Variants in MYO1A observed in about 807,000 individuals in gnomAD.
MYO1A encodes the protein myosin IA.
MYO1A carries 127 observed loss-of-function variants against 138.5 expected under a neutral mutation model. The observed-to-expected ratio is 0.92, with a 90% confidence interval of 0.79 to 1.06. MYO1A has a LOEUF of 1.06. MYO1A is among the 50% of genes least tolerant of loss of function. MYO1A has a pLI of 0.00. For synonymous variants in MYO1A, 477 were observed against 497.5 expected, an observed-to-expected ratio of 0.96 and a Z score of 0.55; for missense variants, 1,211 against 1,288.8, an observed-to-expected ratio of 0.94 and a Z score of 0.92.
chr12:57,046,720 A>T, intron 7 of MYO1A, 70 bp from the exon 8 acceptor site: 3 of 1,503,960 alleles, frequency 2.0e-6, no homozygotes, highest in Non-Finnish European at 2.8e-6. Context: ...GCCCTACTGG[A>T]GAATGCCCCC....
intron 22 of MYO1A, among the ~76,000 whole-genome samples, chr12:57,031,777 T>A (rs1364129649): frequency 2.0e-5 from 3 of 152,210 alleles, no homozygotes; most frequent in African/African-American, 7.2e-5. Flanking sequence ...GTCTCATGTC[T>A]GAATGAGCAA....
rs2136454589 is a variant in MYO1A at position 57,044,148 on chromosome 12, T to C, written c.702A>G (p.Arg234=). 6.2e-7 allele frequency: 1 copy of C among 1,614,126 alleles called. No homozygotes were observed. Among genetic ancestry groups the C allele is most frequent in the Middle Eastern group, 1.6e-4 (1 of 6,062 alleles). The change falls in exon 9 of 28, where the codon AGA becomes AGG. Residue 234 remains arginine, a synonymous_variant. Transcript: ENST00000300119. ...GYAYLNHEVS[R]VDGMDDASSF... Reference sequence around the variant, plus strand: ...TGGAGGCGTCGTCCATGCCATCCACTCTGGATACTTCATGATTCAGATAGG... The same window carrying C: ...TGGAGGCGTCGTCCATGCCATCCACCCTGGATACTTCATGATTCAGATAGG...
At chr12:57,049,152 G>A (rs3782327) in intron 1 of MYO1A, among the ~76,000 whole-genome samples, 3,140 of 152,294 alleles carry the variant, frequency 0.021, 61 homozygotes, top group South Asian at 0.057. Flanking sequence ...AGCTTCTTGC[G>A]GGAGTGGGCA....
At position 57,042,124 on chromosome 12, in the gene MYO1A, T is replaced by C. The variant is rs73334798; in HGVS notation, c.1099-627A>G. On this transcript the variant is annotated intron_variant, in intron 12 of 27. Transcript: ENST00000300119. ...CCCCACAAAAGAAATCCTATACCCATTATTAGTCACTCCCCATACCCCTCT... is the reference window on the plus strand; with the variant it reads ...CCCCACAAAAGAAATCCTATACCCACTATTAGTCACTCCCCATACCCCTCT... Among the ~76,000 whole-genome samples the C allele has an allele frequency of 3.5e-3, 538 of 152,298 alleles. 4 individuals carry two copies. The highest frequency in any genetic ancestry group is 0.012 in the African/African-American group (515 of 41,558).
intron 14 of MYO1A, among the ~76,000 whole-genome samples, chr12:57,040,412 T>C (rs2136449081): frequency 6.6e-6 from 1 of 152,314 alleles, no homozygotes; most frequent in East Asian, 1.9e-4. Flanking sequence ...TGGTTGCCTC[T>C]GGGTGGGGAG....
intron 22 of MYO1A, among the ~76,000 whole-genome samples, chr12:57,032,639 C>T (rs2030340325): frequency 6.6e-6 from 1 of 151,834 alleles, no homozygotes; most frequent in African/African-American, 2.4e-5. Flanking sequence ...GCCAAGATCG[C>T]ACCACTGCAC....
chr12:57,036,926 T>G lies in MYO1A; in HGVS notation c.2205+16A>C. On this transcript the variant is annotated intron_variant, in intron 20 of 27. Transcript: ENST00000300119. ...CTATTAGAGTGAACAGAGTGGGACT[T>G]TGGGGATGACCGTACCATGTTTCCC... 6.2e-7 allele frequency: 1 copy of G among 1,614,200 alleles called. No individual in the cohort carries two copies. Among genetic ancestry groups the G allele is most frequent in the Non-Finnish European group, 8.5e-7 (1 of 1,180,038 alleles).
intron 23 of MYO1A, among the ~76,000 whole-genome samples, 194 bp downstream of exon 23, chr12:57,030,846 C>T (rs966691312): frequency 1.3e-5 from 2 of 152,052 alleles, no homozygotes; most frequent in African/African-American, 4.8e-5. Flanking sequence ...GTGATGGCTG[C>T]AGAACAACAT....
intron 20 of MYO1A, 25 bp from the exon 21 acceptor site, chr12:57,036,865 G>T: frequency 1.2e-6 from 2 of 1,614,192 alleles, no homozygotes; most frequent in Non-Finnish European, 1.7e-6. Flanking sequence ...GGAGTTGTTA[G>T]AAAAATGGCA....
rs727504566 is a variant in MYO1A at position 57,043,115 on chromosome 12, C to T, written c.1055G>A (p.Arg352His). The change falls in exon 12 of 28, where the codon CGC becomes CAC. Residue 352 changes from arginine to histidine, a missense_variant. Physicochemically the swap from Arg to His is conservative, Grantham distance 29 (BLOSUM62 0). Coordinates refer to ENST00000300119, the MANE Select transcript of MYO1A (RefSeq NM_005379.4). ...TCGATTCACTATCCAGTCAAAGAGG[C>T]GGCTGTAGATGTTCTTAGCCAGGGC... ...RDALAKNIYS[R>H]LFDWIVNRIN... is the part of the protein sequence containing the mutation. The T allele has an allele frequency of 5.3e-5, 86 of 1,614,034 alleles. No individual in the cohort carries two copies. The highest frequency in any genetic ancestry group is 6.6e-5 in the Non-Finnish European group (78 of 1,180,036).
intron 21 of MYO1A, 54 bp from the exon 22 acceptor site, chr12:57,036,435 G>C (rs766589792): frequency 8.4e-6 from 13 of 1,554,096 alleles, no homozygotes; most frequent in African/African-American, 1.4e-5. Flanking sequence ...GATTCTAGAA[G>C]AGGTTGTACT....
At chr12:57,045,591 CCT>C (rs1171435215) in intron 8 of MYO1A, among the ~76,000 whole-genome samples, 4 of 152,132 alleles carry the variant, frequency 2.6e-5, no homozygotes, top group Admixed American at 1.3e-4. Context: ...TGCAGGGGTT[CCT>C]GAAGATCACA....
rs544222811 is a variant in MYO1A, at chr12:57,043,313, A to C, written c.938T>G (p.Val313Gly). The change falls in exon 11 of 28, where the codon GTA (valine) becomes GGA (glycine). Residue 313 changes from valine to glycine, a missense_variant. Val to Gly is a moderately radical substitution (Grantham distance 109). Coordinates refer to ENST00000300119, the MANE Select transcript of MYO1A (RefSeq NM_005379.4). ...GEMVGLNSEE[V>G]ERALCSRTME... Reference sequence around the variant, plus strand: ...GGTCCTCGAGCACAAAGCTCTCTCTACTTCTTCTGAATTCAAGCCCACCAT... The same window carrying C: ...GGTCCTCGAGCACAAAGCTCTCTCTCCTTCTTCTGAATTCAAGCCCACCAT... The C allele has an allele frequency of 6.2e-7, 1 of 1,614,076 alleles. No individual in the cohort carries two copies. The highest frequency in any genetic ancestry group is 1.3e-5 in the African/African-American group (1 of 75,002).
Position 57,039,238 on chromosome 12 carries a change from C to A in MYO1A, c.1306G>T (p.Gly436Cys), listed in dbSNP as rs576002868. 2.5e-6 allele frequency: 4 copies of A among 1,614,106 alleles called. No individual in the cohort carries two copies. The African/African-American group carries it at 5.3e-5, about 22-fold the overall frequency. ...PWTKVDYFDN[G>C]IICKLIEHNQ... ...TGCTCAATGAGCTTACAAATGATGC[C>A]ATTATCAAAGTAGTCCACCTTTGTC... Residue 436 changes from glycine to cysteine, a missense_variant, in exon 15 of 28, where the codon GGC (glycine) becomes TGC (cysteine). Transcript: ENST00000300119.
chr12:57,041,574 G>A (rs2136450841), intron 12 of MYO1A, 77 bp from the exon 13 acceptor site: 1 of 1,274,102 alleles, frequency 7.8e-7, no homozygotes, highest in Non-Finnish European at 1.1e-6. Context: ...AGCGGATGGG[G>A]TTGGAGTAGG....
Position 57,036,990 on chromosome 12 carries a change from C to G in MYO1A, c.2157G>C (p.Leu719=). ...RGWRCRTHYQ[L]MRKSQILISS... ...AGATGAGGATCTGACTCTTTCGCAT[C>G]AGTTGGTAGTGGGTGCGGCAGCGCC... Residue 719 remains leucine, a synonymous_variant, in exon 20 of 28, where the codon CTG becomes CTC. Transcript: ENST00000300119. The G allele has an allele frequency of 6.2e-7, 1 of 1,614,190 alleles. No homozygotes were observed. Among genetic ancestry groups the G allele is most frequent in the Non-Finnish European group, 8.5e-7 (1 of 1,180,040 alleles).
In MYO1A at chr12:57,038,503, G is replaced by C. The variant is rs773728159; in HGVS notation, c.1669C>G (p.Leu557Val). ...FPEGNPKQAS[L>V]KRPPTAGAQF... ...GCCCCAGCAGTCGGGGGGCGTTTGA[G>C]AGATGCCTGCTTAGGATTGCCCTCA... Residue 557 changes from leucine to valine, a missense_variant, in exon 17 of 28, where the codon CTC (leucine) becomes GTC (valine). Leu to Val is a conservative substitution (Grantham distance 32). Coordinates refer to ENST00000300119, the MANE Select transcript of MYO1A (RefSeq NM_005379.4). 48 of 1,614,088 alleles carry C rather than the reference G, an allele frequency of 3.0e-5. No homozygotes were observed. The highest frequency in any genetic ancestry group is 4.0e-5 in the Non-Finnish European group (47 of 1,180,046).
In MYO1A at chr12:57,028,534, CAT is replaced by C; in HGVS notation, c.*219_*220del. On this transcript the variant is annotated 3_prime_UTR_variant, in exon 28 of 28. Coordinates refer to ENST00000300119, the MANE Select transcript of MYO1A (RefSeq NM_005379.4). ...ACCCTGACTGAACCTTTCCAAGCCACATGTTTTATTAGTGTGCAGAGAGGCTG... is the reference window on the plus strand; with the variant it reads ...ACCCTGACTGAACCTTTCCAAGCCACGTTTTATTAGTGTGCAGAGAGGCTG... 3.6e-6 allele frequency: 2 copies of C among 560,624 alleles called. No individual in the cohort carries two copies. The highest frequency in any genetic ancestry group is 6.2e-6 in the Non-Finnish European group (2 of 322,010). 34.7% of individuals were successfully genotyped at this position (560,624 alleles called of 1,614,324 possible).
At position 57,029,120 on chromosome 12, in the gene MYO1A, T is replaced by A; in HGVS notation, c.3005+12A>T. ...CCGTAAGCCGCCCCTCACCCCCAGTTCATGGCCTCACTTCTCAGTCACGGT... is the reference window on the plus strand; with the variant it reads ...CCGTAAGCCGCCCCTCACCCCCAGTACATGGCCTCACTTCTCAGTCACGGT... On this transcript the variant is annotated intron_variant, in intron 27 of 27. Coordinates refer to ENST00000300119, the MANE Select transcript of MYO1A (RefSeq NM_005379.4). The A allele has an allele frequency of 6.2e-7, 1 of 1,613,926 alleles. No individual in the cohort carries two copies. The highest frequency in any genetic ancestry group is 1.1e-5 in the South Asian group (1 of 91,032).
Sources: gnomAD v4.1 joint callset for allele counts (sites outside exome capture counted in the v4.1 genomes callset) on GRCh38, gnomAD v4.1.1 for gene constraint, MANE v1.5 for transcripts, NCBI Gene and HGNC (gene_info 2026-07-23, HGNC 2026-07-21) for gene names.